Variants in MYLK observed in about 807,000 individuals in gnomAD.
MYLK encodes myosin light chain kinase, also known as myosin light chain kinase, smooth muscle.
A neutral mutation model predicts 203.4 loss-of-function variants in MYLK; 106 were observed. That is an observed-to-expected ratio of 0.52 (90% CI 0.45 to 0.61). The LOEUF (loss-of-function observed/expected upper bound fraction) is 0.61, where lower values mean the gene tolerates loss of function less well. Among genes scored for constraint, MYLK ranks in the 20% least tolerant of loss-of-function variants. The probability of loss-of-function intolerance (pLI) is 0.00; values close to 1 mark genes in which losing one functional copy is unlikely to be tolerated. For missense variants in MYLK, 2,072 were observed against 2,442.3 expected, an observed-to-expected ratio of 0.85 and a Z score of 3.20; for synonymous variants, 867 against 959.5, an observed-to-expected ratio of 0.90 and a Z score of 1.78.
chr3:123,631,792 G>A (rs2058435512), intron 29 of MYLK, among the ~76,000 whole-genome samples: 1 of 152,064 alleles, frequency 6.6e-6, no homozygotes, highest in Non-Finnish European at 1.5e-5. Flanking sequence ...CATGAGGGAA[G>A]GGTGGGCATT....
chr3:123,756,631 T>C (rs997114205), intron 4 of MYLK, among the ~76,000 whole-genome samples: 4 of 152,202 alleles, frequency 2.6e-5, no homozygotes, highest in Admixed American at 2.6e-4. Context: ...CATTCTCCTC[T>C]GGGTCCAACC....
At chr3:123,771,651 T>C (rs1373540774) in intron 4 of MYLK, among the ~76,000 whole-genome samples, 2 of 152,236 alleles carry the variant, frequency 1.3e-5, no homozygotes, top group South Asian at 2.1e-4. Flanking sequence ...TAATTTATGA[T>C]GGGTTACATC....
rs1297252835 is a variant in MYLK, at chr3:123,884,327, G to A, written c.-307C>T. Reference sequence around the variant, plus strand: ...CCTGCTGCCGACCGGGCGGCGCGGGGAGCCCGCGAGGCGCGTCCGGGACTG... The same window carrying A: ...CCTGCTGCCGACCGGGCGGCGCGGGAAGCCCGCGAGGCGCGTCCGGGACTG... On this transcript the variant is annotated 5_prime_UTR_variant, in exon 1 of 34. Transcript: ENST00000360304. 1 of 145,842 alleles carries A rather than the reference G, an allele frequency of 6.9e-6. No individual in the cohort carries two copies. Among genetic ancestry groups the A allele is most frequent in the Non-Finnish European group, 1.5e-5 (1 of 65,624 alleles). 9.0% of individuals were successfully genotyped at this position (145,842 alleles called of 1,614,324 possible). A position where few individuals can be genotyped will look rare whatever the true frequency, so the allele number is the denominator to read the frequency against.
intron 23 of MYLK, among the ~76,000 whole-genome samples, chr3:123,663,412 G>A (rs1576471206): frequency 6.6e-6 from 1 of 152,160 alleles, no homozygotes; most frequent in Non-Finnish European, 1.5e-5. Flanking sequence ...TGGGGGTGAG[G>A]CCATAGGCAG....
chr3:123,679,234 G>A (rs975577315), intron 20 of MYLK, among the ~76,000 whole-genome samples: 1 of 151,596 alleles, frequency 6.6e-6, no homozygotes, highest in Non-Finnish European at 1.5e-5. Flanking sequence ...TTGAAACCAG[G>A]AGGCGGAGGT....
At chr3:123,807,200 G>A (rs903840026) in intron 3 of MYLK, among the ~76,000 whole-genome samples, 3 of 152,086 alleles carry the variant, frequency 2.0e-5, no homozygotes, top group Admixed American at 6.5e-5. Flanking sequence ...AAGCCAAGGC[G>A]GGGGCATGAC....
chr3:123,682,074 G>A, intron 20 of MYLK, 150 bp downstream of exon 20: 1 of 707,578 alleles, frequency 1.4e-6, no homozygotes, highest in South Asian at 1.5e-5. Context: ...GGAGTTCACT[G>A]GGCACTTCAG....
At chr3:123,654,162 C>T (rs2059317566) in intron 24 of MYLK, among the ~76,000 whole-genome samples, 1 of 152,130 alleles carries the variant, frequency 6.6e-6, no homozygotes. Flanking sequence ...CCATAGCTCT[C>T]AAGGAGACCT....
At position 123,722,361 on chromosome 3, in the gene MYLK, C is replaced by T. The variant is rs2062122940; in HGVS notation, c.1652-81G>A. On this transcript the variant is annotated intron_variant, in intron 12 of 33. Transcript: ENST00000360304. Reference sequence around the variant, plus strand: ...AGCCCTGTCCTCAGCAGGGCTGCTGCTGTCATGACGCTGAGACTTGTCATG... The same window carrying T: ...AGCCCTGTCCTCAGCAGGGCTGCTGTTGTCATGACGCTGAGACTTGTCATG... The T allele has an allele frequency of 3.1e-6, 4 of 1,276,256 alleles. No individual in the cohort carries two copies. In the Admixed American group the frequency reaches 8.1e-5, roughly 26 times the overall value. 79.1% of individuals were successfully genotyped at this position (1,276,256 alleles called of 1,614,324 possible).
intron 31 of MYLK, chr3:123,623,926 A>G (rs564203262): frequency 2.6e-5 from 4 of 152,328 alleles, no homozygotes; most frequent in East Asian, 1.9e-4. Flanking sequence ...AAATGTCGCC[A>G]TCTATACTAA....
chr3:123,793,295 C>T (rs2064855016), intron 4 of MYLK, among the ~76,000 whole-genome samples: 1 of 152,134 alleles, frequency 6.6e-6, no homozygotes, highest in African/African-American at 2.4e-5. Context: ...ACGGAAAAAG[C>T]AAGAGAAAAA....
chr3:123,849,415 A>C (rs2030462048), intron 2 of MYLK, among the ~76,000 whole-genome samples: 1 of 152,202 alleles, frequency 6.6e-6, no homozygotes, highest in Non-Finnish European at 1.5e-5. Flanking sequence ...CAACCCAAAG[A>C]ATTGTGATAT....
At chr3:123,787,127 T>C (rs1013081648) in intron 4 of MYLK, among the ~76,000 whole-genome samples, 4 of 152,228 alleles carry the variant, frequency 2.6e-5, no homozygotes, top group Non-Finnish European at 5.9e-5. Flanking sequence ...AATGATCTTA[T>C]ATGATTATTG....
chr3:123,737,662 G>GT (rs1480845254), intron 7 of MYLK, 119 bp from the exon 8 acceptor site: 11 of 1,339,336 alleles, frequency 8.2e-6, no homozygotes, highest in Non-Finnish European at 1.1e-6. Context: ...AGCGTCCTCT[G>GT]CTGTGGGCCC....
chr3:123,619,873 A>G (rs554433376), intron 32 of MYLK, among the ~76,000 whole-genome samples: 1 of 152,358 alleles, frequency 6.6e-6, no homozygotes, highest in African/African-American at 2.4e-5. Flanking sequence ...ATTAATATAG[A>G]ATATCACTTT....
At chr3:123,638,460 A>T (rs907644329) in intron 28 of MYLK, among the ~76,000 whole-genome samples, 3 of 152,116 alleles carry the variant, frequency 2.0e-5, no homozygotes, top group African/African-American at 7.2e-5. Flanking sequence ...CCGCCCCTGA[A>T]TGGTCTTTTT....
At chr3:123,814,130 A>G in intron 3 of MYLK, 1 of 362,466 alleles carries the variant, frequency 2.8e-6, no homozygotes, top group Non-Finnish European at 5.6e-6. Flanking sequence ...CTGACCCAGA[A>G]GGCTGCCACA....
At chr3:123,760,934 A>G (rs1396745549) in intron 4 of MYLK, among the ~76,000 whole-genome samples, 1 of 152,200 alleles carries the variant, frequency 6.6e-6, no homozygotes. Flanking sequence ...CTCCCAAAAT[A>G]CCATTTGAGC....
intron 2 of MYLK, among the ~76,000 whole-genome samples, chr3:123,868,147 A>G (rs1411194631): frequency 1.3e-5 from 2 of 152,218 alleles, no homozygotes; most frequent in Non-Finnish European, 2.9e-5. Flanking sequence ...GAGGTTGCAC[A>G]GAAGTACCAC....
Sources: allele counts gnomAD v4.1 joint callset (sites outside exome capture counted in the v4.1 genomes callset), GRCh38; gene constraint gnomAD v4.1.1; transcripts MANE v1.5; gene names NCBI Gene and HGNC (gene_info 2026-07-23, HGNC 2026-07-21).